MDM2: variants seen among roughly 807,000 people sequenced by gnomAD.
The protein encoded by MDM2 is E3 ubiquitin-protein ligase Mdm2.
MDM2 carries 11 observed loss-of-function variants against 64.3 expected under a neutral mutation model. That is an observed-to-expected ratio of 0.17 (90% CI 0.11 to 0.28). MDM2 has a LOEUF of 0.28. Ranked by LOEUF, MDM2 falls within the 10% of genes least tolerant of loss-of-function variation. The probability of loss-of-function intolerance (pLI) is 1.00; values close to 1 mark genes in which losing one functional copy is unlikely to be tolerated. For synonymous variants in MDM2, 194 were observed against 192.9 expected, an observed-to-expected ratio of 1.01 and a Z score of -0.05; for missense variants, 388 against 577.1, an observed-to-expected ratio of 0.67 and a Z score of 3.36.
intron 4 of MDM2, among the ~76,000 whole-genome samples, chr12:68,817,794 C>G (rs1881511867): frequency 6.6e-6 from 1 of 151,496 alleles, no homozygotes; most frequent in Non-Finnish European, 1.5e-5. Flanking sequence ...TAAAATTATT[C>G]TTTTTTTTGT....
intron 7 of MDM2, among the ~76,000 whole-genome samples, chr12:68,825,846 C>G (rs1882273435): frequency 6.6e-6 from 1 of 152,066 alleles, no homozygotes; most frequent in South Asian, 2.1e-4. Context: ...GGGCAGAAGA[C>G]AGGAAGGGCA....
intron 4 of MDM2, 148 bp downstream of exon 4, chr12:68,817,093 T>C: frequency 1.2e-6 from 1 of 820,884 alleles, no homozygotes; most frequent in Non-Finnish European, 1.8e-6. Flanking sequence ...CGGCATATTA[T>C]TTGAGAACCT....
At chr12:68,836,478 C>T in intron 9 of MDM2, 194 bp from the exon 10 acceptor site, 2 of 476,852 alleles carry the variant, frequency 4.2e-6, no homozygotes, top group South Asian at 6.0e-5. Flanking sequence ...TTTGTATTGA[C>T]TTTTACCATT....
chr12:68,816,113 A>G (rs1301919977), intron 3 of MDM2, among the ~76,000 whole-genome samples: 1 of 152,056 alleles, frequency 6.6e-6, no homozygotes, highest in Non-Finnish European at 1.5e-5. Flanking sequence ...GGTTTATAGT[A>G]TTTATGACTA....
Position 68,840,106 on chromosome 12 carries a change from G to A in MDM2, c.*257G>A. 1 of 335,762 alleles carries A rather than the reference G, an allele frequency of 3.0e-6. No individual in the cohort carries two copies. The highest frequency in any genetic ancestry group is 5.3e-6 in the Non-Finnish European group (1 of 187,970). 20.8% of individuals were successfully genotyped at this position (335,762 alleles called of 1,614,324 possible). On this transcript the variant is annotated 3_prime_UTR_variant, in exon 11 of 11. Coordinates refer to ENST00000258149, the MANE Select transcript of MDM2 (RefSeq NM_002392.6). The stretch of plus-strand genomic sequence containing the variant: ...CTCTGTCTTAAATGAGAAGTACTTG[G>A]TTTTTTTTTTTCTTAAATATGTATA...
chr12:68,808,357 C>G lies in MDM2; in HGVS notation c.-121C>G. The G allele has an allele frequency of 1.5e-6, 2 of 1,341,584 alleles. No homozygotes were observed. The highest frequency in any genetic ancestry group is 2.4e-5 in the South Asian group (2 of 83,898). The allele number at this position is 1,341,584 out of a possible 1,614,324, so 83.1% of individuals were successfully genotyped here. On this transcript the variant is annotated 5_prime_UTR_variant, in exon 1 of 11. Transcript: ENST00000258149. ...CCCCGGATTAGTGCGTACGAGCGCC[C>G]AGTGCCCTGGCCCGGAGAGTGGAAT...
rs1173448848 is a variant in MDM2 at position 68,844,708 on chromosome 12, G to A, written c.*4859G>A. On this transcript the variant is annotated 3_prime_UTR_variant, in exon 11 of 11. Transcript: ENST00000258149. ...CTTGTGGGCCCCTAAGCCAGACGGG[G>A]ACTAGCTTTTGGCATTATATAATTA... is the stretch of plus-strand genomic sequence containing the variant. The A allele has an allele frequency of 2.3e-5, 5 of 219,670 alleles. No homozygotes were observed. Among genetic ancestry groups the A allele is most frequent in the Non-Finnish European group, 3.6e-5 (4 of 109,626 alleles). 13.6% of individuals were successfully genotyped at this position (219,670 alleles called of 1,614,324 possible).
At chr12:68,817,838 C>A (rs1218159906) in intron 4 of MDM2, among the ~76,000 whole-genome samples, 1 of 151,844 alleles carries the variant, frequency 6.6e-6, no homozygotes, top group African/African-American at 2.4e-5. Flanking sequence ...TGCTCTATGG[C>A]CCAGGCTGGA....
intron 2 of MDM2, among the ~76,000 whole-genome samples, chr12:68,811,022 C>T (rs1286611819): frequency 6.6e-6 from 1 of 152,034 alleles, no homozygotes; most frequent in South Asian, 2.1e-4. Flanking sequence ...TGCGCCACCA[C>T]GCTCAGCTAA....
At position 68,825,133 on chromosome 12, in the gene MDM2, C is replaced by T. The variant is rs139197471; in HGVS notation, c.523+482C>T. The stretch of plus-strand genomic sequence containing the variant: ...TTGAGGAAGGAGAATCACTTCAACC[C>T]GGGAGGTAGAAGTTACAGTGAGCCG... On this transcript the variant is annotated intron_variant, in intron 7 of 10. Transcript: ENST00000258149. Among the ~76,000 whole-genome samples, 497 of 152,226 alleles carry T rather than the reference C, an allele frequency of 3.3e-3. 2 individuals are homozygous for T. Among genetic ancestry groups the T allele is most frequent in the African/African-American group, 0.011 (459 of 41,550 alleles).
In MDM2 at chr12:68,828,839, T is replaced by C; in HGVS notation, c.592T>C (p.Ser198Pro). 1 of 1,614,084 alleles carries C rather than the reference T, an allele frequency of 6.2e-7. No homozygotes were observed. The highest frequency in any genetic ancestry group is 8.5e-7 in the Non-Finnish European group (1 of 1,179,990). The change falls in exon 8 of 11, where the codon TCC becomes CCC. Residue 198 changes from serine (S) to proline (P), a missense_variant. Ser to Pro is a moderately conservative substitution (Grantham distance 74). Coordinates refer to ENST00000258149, the MANE Select transcript of MDM2 (RefSeq NM_002392.6). Reference protein sequence around the residue: ...KRHKSDSISLSFDESLALCVI... With the variant: ...KRHKSDSISLPFDESLALCVI... ...CCACAAATCTGATAGTATTTCCCTT[T>C]CCTTTGATGAAAGCCTGGCTCTGTG...
Position 68,842,491 on chromosome 12 carries a change from G to A in MDM2, c.*2642G>A, listed in dbSNP as rs142063414. 6.7e-3 allele frequency: 2,570 copies of A among 385,630 alleles called. 16 individuals are homozygous for A. The highest frequency in any genetic ancestry group is 0.01 in the Non-Finnish European group (2,044 of 197,728). The allele number at this position is 385,630 out of a possible 1,614,324, so 23.9% of individuals were successfully genotyped here. ...CTTATTTTTTATATAAGGTCACTCCGATGAAAGGTGATTACAAAATCATCT... is the reference window on the plus strand; with the variant it reads ...CTTATTTTTTATATAAGGTCACTCCAATGAAAGGTGATTACAAAATCATCT... On this transcript the variant is annotated 3_prime_UTR_variant, in exon 11 of 11. Transcript: ENST00000258149.
intron 4 of MDM2, among the ~76,000 whole-genome samples, chr12:68,818,413 G>A (rs1220486873): frequency 6.6e-6 from 1 of 151,412 alleles, no homozygotes; most frequent in African/African-American, 2.4e-5. Flanking sequence ...AAAAAGGACT[G>A]TAGTTTGTTA....
chr12:68,829,471 T>TA (rs1411297825), intron 8 of MDM2, among the ~76,000 whole-genome samples: 1 of 152,170 alleles, frequency 6.6e-6, no homozygotes, highest in Non-Finnish European at 1.5e-5. Flanking sequence ...TGCTGTAAAA[T>TA]ACAGGTTTAT....
chr12:68,835,722 C>G (rs778414634), intron 8 of MDM2, 107 bp from the exon 9 acceptor site: 4 of 1,097,660 alleles, frequency 3.6e-6, no homozygotes, highest in Non-Finnish European at 5.1e-6. Flanking sequence ...CATCCCCCAA[C>G]TGTTACACCC....
intron 4 of MDM2, among the ~76,000 whole-genome samples, chr12:68,818,397 AG>A (rs1373603043): frequency 1.3e-5 from 2 of 151,670 alleles, no homozygotes; most frequent in Non-Finnish European, 2.9e-5. Flanking sequence ...AGAAAAGTAA[AG>A]GAAAAAAAAG....
chr12:68,817,144 C>A, intron 4 of MDM2, 199 bp downstream of exon 4: 1 of 510,538 alleles, frequency 2.0e-6, no homozygotes, highest in Non-Finnish European at 3.3e-6. Flanking sequence ...AAACCTAGCC[C>A]AATCATTTAC....
In MDM2 at chr12:68,843,003, C is replaced by T. The variant is rs757815373; in HGVS notation, c.*3154C>T. On this transcript the variant is annotated 3_prime_UTR_variant, in exon 11 of 11. Transcript: ENST00000258149. ...TGGCAAATACTAAGTTCTAACTTGT[C>T]ATTCCTGGTAGAACAAGCTTTATTT... is the stretch of plus-strand genomic sequence containing the variant. 1 of 212,882 alleles carries T rather than the reference C, an allele frequency of 4.7e-6. No individual in the cohort carries two copies. Among genetic ancestry groups the T allele is most frequent in the Non-Finnish European group, 9.5e-6 (1 of 105,460 alleles). The allele number at this position is 212,882 out of a possible 1,614,324, so 13.2% of individuals were successfully genotyped here.
chr12:68,810,655 G>T (rs1212601896), intron 2 of MDM2, among the ~76,000 whole-genome samples: 1 of 151,900 alleles, frequency 6.6e-6, no homozygotes, highest in Non-Finnish European at 1.5e-5. Flanking sequence ...TAGAGACGGG[G>T]TTTCACCATG....
Sources: gnomAD v4.1 joint callset for allele counts (sites outside exome capture counted in the v4.1 genomes callset) on GRCh38, gnomAD v4.1.1 for gene constraint, MANE v1.5 for transcripts, NCBI Gene and HGNC (gene_info 2026-07-23, HGNC 2026-07-21) for gene names.